The following TC2N variants were observed in gnomAD, a reference collection of about 807,000 sequenced individuals.
TC2N encodes tandem C2 domains, nuclear, also known as tandem C2 domains nuclear protein.
TC2N carries 51 observed loss-of-function variants against 61.9 expected under a neutral mutation model. The observed-to-expected ratio is 0.82, with a 90% CI of 0.66 to 1.04. The LOEUF is 1.04. Among genes scored for constraint, TC2N ranks in the 50% least tolerant of loss-of-function variants. The pLI, the probability that TC2N is intolerant of heterozygous loss-of-function variation, is 0.00. For synonymous variants in TC2N, 204 were observed against 192.6 expected, an observed-to-expected ratio of 1.06 and a Z score of -0.49; for missense variants, 556 against 566.7, an observed-to-expected ratio of 0.98 and a Z score of 0.19.
rs1413038302 is a variant in TC2N, at chr14:91,782,863, T to C, written c.*237A>G. ...TTATTTAGTCATCCTAATAATACTT[T>C]GATTTTACTGTCTGTGTCTCTTGTT... On this transcript the variant is annotated 3_prime_UTR_variant, in exon 12 of 12. Coordinates refer to ENST00000435962, the MANE Select transcript of TC2N (RefSeq NM_001128596.3). 2.4e-6 allele frequency: 1 copy of C among 419,490 alleles called. No homozygotes were observed. The highest frequency in any genetic ancestry group is 4.1e-5 in the East Asian group (1 of 24,542). The allele number at this position is 419,490 out of a possible 1,614,324, so 26.0% of individuals were successfully genotyped here.
chr14:91,862,339 CAAAAAAAAAA>C (rs56816512), intron 1 of TC2N, among the ~76,000 whole-genome samples: 103 of 106,500 alleles, frequency 9.7e-4, no homozygotes, highest in African/African-American at 3.1e-3. Context: ...GACTCTGTCT[CAAAAAAAAAA>C]AAAAAAAAAG....
At chr14:91,843,439 A>G (rs757561365) in intron 1 of TC2N, among the ~76,000 whole-genome samples, 1 of 152,138 alleles carries the variant, frequency 6.6e-6, no homozygotes, top group Non-Finnish European at 1.5e-5. Context: ...CACCCTCAAT[A>G]CAATTCACTT....
At chr14:91,821,289 T>C (rs1887242328) in intron 1 of TC2N, among the ~76,000 whole-genome samples, 1 of 152,052 alleles carries the variant, frequency 6.6e-6, no homozygotes, top group Non-Finnish European at 1.5e-5. Flanking sequence ...TCAATAGAAT[T>C]AAATTCAGAG....
At chr14:91,834,709 T>C (rs887260639) in intron 1 of TC2N, among the ~76,000 whole-genome samples, 7 of 152,212 alleles carry the variant, frequency 4.6e-5, no homozygotes, top group Admixed American at 2.6e-4. Flanking sequence ...GACTCCCAGA[T>C]AGACTTCTCT....
At chr14:91,805,760 T>G (rs1595239730) in intron 3 of TC2N, among the ~76,000 whole-genome samples, 2 of 152,222 alleles carry the variant, frequency 1.3e-5, no homozygotes, top group East Asian at 3.8e-4. Flanking sequence ...TAGTATATCC[T>G]AAGGGTACAG....
At chr14:91,800,419 A>T (rs1886171901) in intron 4 of TC2N, 47 bp from the exon 5 acceptor site, 1 of 1,015,476 alleles carries the variant, frequency 9.8e-7, no homozygotes, top group Non-Finnish European at 1.5e-6. Context: ...AAACACTGGA[A>T]TTCTACTTAA....
chr14:91,826,256 G>C (rs1359608000), intron 1 of TC2N, among the ~76,000 whole-genome samples: 1 of 150,460 alleles, frequency 6.6e-6, no homozygotes, highest in Non-Finnish European at 1.5e-5. Flanking sequence ...AGAAGTGGAG[G>C]CTGTGGGAAG....
In TC2N at chr14:91,782,836, A is replaced by G. The variant is rs1885189256; in HGVS notation, c.*264T>C. 2 of 351,502 alleles carry G rather than the reference A, an allele frequency of 5.7e-6. No individual in the cohort carries two copies. The highest frequency in any genetic ancestry group is 1.0e-5 in the Non-Finnish European group (2 of 194,792). The allele number at this position is 351,502 out of a possible 1,614,324, so 21.8% of individuals were successfully genotyped here. On this transcript the variant is annotated 3_prime_UTR_variant, in exon 12 of 12. Transcript: ENST00000435962. ...GGTTGATATTCTCACAGACTTTATA[A>G]TTTATTTAGTCATCCTAATAATACT...
At chr14:91,796,699 A>G (rs1013052583) in intron 8 of TC2N, among the ~76,000 whole-genome samples, 1 of 152,146 alleles carries the variant, frequency 6.6e-6, no homozygotes, top group Non-Finnish European at 1.5e-5. Context: ...GCTGGCCATC[A>G]CAGTAGCTGG....
At chr14:91,806,171 C>A (rs1389187215) in intron 3 of TC2N, among the ~76,000 whole-genome samples, 2 of 152,102 alleles carry the variant, frequency 1.3e-5, no homozygotes, top group African/African-American at 4.8e-5. Flanking sequence ...CCTCCCCAGC[C>A]ACGTGGAACT....
chr14:91,823,748 T>A (rs995077450), intron 1 of TC2N, among the ~76,000 whole-genome samples: 1 of 152,160 alleles, frequency 6.6e-6, no homozygotes. Context: ...ACATGTTTGC[T>A]TTTTTAGCAA....
At chr14:91,799,207 G>T in intron 5 of TC2N, 143 bp from the exon 6 acceptor site, 5 of 468,350 alleles carry the variant, frequency 1.1e-5, no homozygotes, top group Admixed American at 4.2e-5. Flanking sequence ...CCACTTACAG[G>T]TAGTGGAAAA....
intron 1 of TC2N, among the ~76,000 whole-genome samples, chr14:91,838,564 C>T (rs903663854): frequency 6.6e-6 from 1 of 152,196 alleles, no homozygotes; most frequent in Non-Finnish European, 1.5e-5. Flanking sequence ...TGACTTAGTG[C>T]AGGGCACAAA....
At chr14:91,850,835 A>G (rs8010437) in intron 1 of TC2N, among the ~76,000 whole-genome samples, 139,292 of 151,948 alleles carry the variant, frequency 0.92, 64,411 homozygotes, top group Non-Finnish European at 0.97. Flanking sequence ...GGAGTCTGAG[A>G]GAGGAGAATT....
rs778464496 is a variant in TC2N, at chr14:91,812,329, T to A, written c.284A>T (p.His95Leu). ...TTGTTTACCTTCAAGTTCTTCCAGA[T>A]GTGAAGGAGTTTCTTGTGTCCTGGG... Reference protein sequence around the residue: ...IQPRTQETPSHLEELEGSARA... With the variant: ...IQPRTQETPSLLEELEGSARA... The change falls in exon 3 of 12, where the codon CAT (histidine) becomes CTT (leucine). Residue 95 changes from histidine (H) to leucine (L), a missense_variant. His to Leu is a moderately conservative substitution (Grantham distance 99). Coordinates refer to ENST00000435962, the MANE Select transcript of TC2N (RefSeq NM_001128596.3). The A allele has an allele frequency of 6.3e-7, 1 of 1,596,124 alleles. No homozygotes were observed. The highest frequency in any genetic ancestry group is 1.1e-5 in the South Asian group (1 of 88,128).
intron 1 of TC2N, among the ~76,000 whole-genome samples, chr14:91,862,154 A>G (rs1888603686): frequency 1.3e-5 from 2 of 151,798 alleles, no homozygotes; most frequent in South Asian, 4.2e-4. Flanking sequence ...CCTGGGCAAC[A>G]TGGCGAAACC....
rs1299316868 is a variant in TC2N, at chr14:91,798,974, T to G, written c.637+15A>C. 6.5e-7 allele frequency: 1 copy of G among 1,549,968 alleles called. No individual in the cohort carries two copies. Among genetic ancestry groups the G allele is most frequent in the African/African-American group, 1.4e-5 (1 of 72,728 alleles). On this transcript the variant is annotated intron_variant, in intron 6 of 11. Coordinates refer to ENST00000435962, the MANE Select transcript of TC2N (RefSeq NM_001128596.3). ...TTATCTTAAGAGTATAAAAGTAGGA[T>G]ACTTTATTCCTTACCCAGGCTTCTG... is the stretch of plus-strand genomic sequence containing the variant.
intron 1 of TC2N, among the ~76,000 whole-genome samples, chr14:91,849,552 T>C (rs1888333515): frequency 6.6e-6 from 1 of 152,232 alleles, no homozygotes; most frequent in Admixed American, 6.5e-5. Context: ...TATAAGCCCA[T>C]AAATAATATA....
intron 9 of TC2N, among the ~76,000 whole-genome samples, chr14:91,789,686 T>G (rs1171486110): frequency 6.6e-6 from 1 of 151,692 alleles, no homozygotes; most frequent in Non-Finnish European, 1.5e-5. Context: ...CCAAGGTTAT[T>G]TCACAAATTC....
Sources: gnomAD v4.1 joint callset for allele counts (sites outside exome capture counted in the v4.1 genomes callset) on GRCh38, gnomAD v4.1.1 for gene constraint, MANE v1.5 for transcripts, NCBI Gene and HGNC (gene_info 2026-07-23, HGNC 2026-07-21) for gene names.